The following ASCC1 variants were observed in gnomAD, a reference collection of about 807,000 sequenced individuals.
The protein encoded by ASCC1 is activating signal cointegrator 1 complex subunit 1.
In ASCC1, 35 loss-of-function variants were observed where a neutral mutation model predicts 46.6. That is an observed-to-expected ratio of 0.75 (90% CI 0.57 to 0.99). ASCC1 has a LOEUF of 0.99. ASCC1 is among the 50% of genes least tolerant of loss of function. The probability of loss-of-function intolerance (pLI) is 0.00; values close to 1 mark genes in which losing one functional copy is unlikely to be tolerated. For missense variants in ASCC1, 376 were observed against 428.7 expected (o/e 0.88, Z 1.09); for synonymous variants, 143 against 146.6 (o/e 0.98, Z 0.18).
intron 5 of ASCC1, among the ~76,000 whole-genome samples, chr10:72,192,327 T>C (rs1300182312): frequency 1.3e-5 from 2 of 151,834 alleles, no homozygotes; most frequent in Non-Finnish European, 2.9e-5. Context: ...TGGTGATGCA[T>C]GCCTGTAATC....
chr10:72,168,152 T>C (rs1205088677), intron 5 of ASCC1, among the ~76,000 whole-genome samples: 2 of 152,000 alleles, frequency 1.3e-5, no homozygotes, highest in South Asian at 2.1e-4. Flanking sequence ...GATCGTGCCA[T>C]TGCACTCCAG....
chr10:72,107,392 A>C (rs1842457881), intron 9 of ASCC1, among the ~76,000 whole-genome samples: 1 of 152,064 alleles, frequency 6.6e-6, no homozygotes, highest in Non-Finnish European at 1.5e-5. Flanking sequence ...GTTTCTGCCA[A>C]ATACCGTGCA....
chr10:72,117,983 A>G (rs1488001447), intron 9 of ASCC1, among the ~76,000 whole-genome samples: 1 of 152,250 alleles, frequency 6.6e-6, no homozygotes, highest in East Asian at 1.9e-4. Flanking sequence ...TAATAGTGCA[A>G]TGGGACATTT....
chr10:72,098,282 A>G (rs1841324598), intron 9 of ASCC1, among the ~76,000 whole-genome samples: 3 of 152,250 alleles, frequency 2.0e-5, no homozygotes, highest in Non-Finnish European at 2.9e-5. Context: ...AAGGAGCGTC[A>G]AAGAGTAAAG....
Position 72,139,371 on chromosome 10 carries a change from T to C in ASCC1, c.747-6190A>G, listed in dbSNP as rs1163718301. On this transcript the variant is annotated intron_variant, in intron 7 of 9. Transcript: ENST00000672957. ...CCTCGTGATCCACCCAACCTTGGCCTCCCAAAGTGCTGGGATTACAGGTGT... is the reference window on the plus strand; with the variant it reads ...CCTCGTGATCCACCCAACCTTGGCCCCCCAAAGTGCTGGGATTACAGGTGT... Among the ~76,000 whole-genome samples, 3 of 152,136 alleles carry C rather than the reference T, an allele frequency of 2.0e-5. No individual in the cohort carries two copies. The East Asian group carries it at 5.8e-4, about 29-fold the overall frequency.
chr10:72,215,213 A>T (rs1858968775), intron 1 of ASCC1, among the ~76,000 whole-genome samples: 1 of 152,200 alleles, frequency 6.6e-6, no homozygotes, highest in South Asian at 2.1e-4. Context: ...AGCCAGGCCA[A>T]CATGATGAAA....
Position 72,203,533 on chromosome 10 carries a change from TA to T in ASCC1, c.213-10del. 6.4e-7 allele frequency: 1 copy of T among 1,558,132 alleles called. No homozygotes were observed. Among genetic ancestry groups the T allele is most frequent in the Non-Finnish European group, 8.8e-7 (1 of 1,130,478 alleles). On this transcript the variant is annotated splice_polypyrimidine_tract_variant and intron_variant, in intron 3 of 9. Transcript: ENST00000672957. ...TCTTTCCAACTATATGCCTGTAACA[TA>T]AAGTAATTAAAAGAAGATTAAGTCA...
chr10:72,097,531 C>A (rs968359721), intron 9 of ASCC1, 81 bp from the exon 10 acceptor site: 16 of 828,268 alleles, frequency 1.9e-5, no homozygotes, highest in Non-Finnish European at 3.2e-5. Flanking sequence ...CTTGTAAAAA[C>A]ACCAAACCAC....
intron 4 of ASCC1, among the ~76,000 whole-genome samples, chr10:72,199,366 C>T (rs1183427502): frequency 6.8e-6 from 1 of 147,358 alleles, no homozygotes; most frequent in East Asian, 2.0e-4. Context: ...GGCACGATCT[C>T]GGCTCACTGC....
chr10:72,130,405 C>T (rs866280816), intron 8 of ASCC1, among the ~76,000 whole-genome samples: 7 of 152,018 alleles, frequency 4.6e-5, no homozygotes, highest in African/African-American at 1.7e-4. Flanking sequence ...CTCAATAAAG[C>T]AATTATATTT....
chr10:72,167,882 C>T (rs1850566826), intron 5 of ASCC1, among the ~76,000 whole-genome samples: 1 of 152,082 alleles, frequency 6.6e-6, no homozygotes, highest in Admixed American at 6.6e-5. Flanking sequence ...AAGCAGGCCT[C>T]CCACCTGAAG....
At chr10:72,128,839 G>GA (rs1057389061) in intron 8 of ASCC1, among the ~76,000 whole-genome samples, 6 of 151,634 alleles carry the variant, frequency 4.0e-5, no homozygotes, top group Admixed American at 2.0e-4. Flanking sequence ...AAACAGGAAA[G>GA]AAAAAAAATG....
intron 9 of ASCC1, among the ~76,000 whole-genome samples, chr10:72,118,256 A>G (rs1216603513): frequency 6.6e-6 from 1 of 151,774 alleles, no homozygotes; most frequent in East Asian, 1.9e-4. Flanking sequence ...AGTCCCAGCT[A>G]CTTGGGAGGC....
intron 9 of ASCC1, among the ~76,000 whole-genome samples, chr10:72,100,512 C>G (rs1010286214): frequency 1.5e-4 from 23 of 151,764 alleles, no homozygotes; most frequent in African/African-American, 5.6e-4. Flanking sequence ...CAGGCATGAG[C>G]CACCATGCCC....
At chr10:72,110,702 G>C (rs530420320) in intron 9 of ASCC1, among the ~76,000 whole-genome samples, 1 of 152,136 alleles carries the variant, frequency 6.6e-6, no homozygotes, top group African/African-American at 2.4e-5. Flanking sequence ...CAGGAGAATC[G>C]CTTGAACCCG....
In ASCC1 at chr10:72,216,138, G is replaced by GATGGCTCTGAGAGATTCCTCTGCGAATCT; in HGVS notation, c.-34+68_-34+69insAGATTCGCAGAGGAATCTCTCAGAGCCAT. ...TAGGGGAAAGTGCTAAAGCCGCTGA[G>GATGGCTCTGAGAGATTCCTCTGCGAATCT]GTAAGAGGCCGAGGGGTCGAGGGCC... is the stretch of plus-strand genomic sequence containing the variant. On this transcript the variant is annotated intron_variant, in intron 1 of 9. Coordinates refer to ENST00000672957, the MANE Select transcript of ASCC1 (RefSeq NM_001198800.3). 2 of 152,864 alleles carry GATGGCTCTGAGAGATTCCTCTGCGAATCT rather than the reference G, an allele frequency of 1.3e-5. 1 individual carries two copies. The allele number at this position is 152,864 out of a possible 1,614,324, so 9.5% of individuals were successfully genotyped here.
chr10:72,213,993 G>A (rs1037637319), intron 1 of ASCC1, among the ~76,000 whole-genome samples: 4 of 151,792 alleles, frequency 2.6e-5, no homozygotes, highest in African/African-American at 7.3e-5. Flanking sequence ...AGCTAAGATC[G>A]CGCCACTGCA....
intron 3 of ASCC1, among the ~76,000 whole-genome samples, chr10:72,206,831 C>T (rs1351972789): frequency 2.0e-5 from 3 of 152,070 alleles, no homozygotes; most frequent in Non-Finnish European, 2.9e-5. Flanking sequence ...CTGCTAGGGG[C>T]AGGGTGCTAA....
intron 9 of ASCC1, among the ~76,000 whole-genome samples, chr10:72,105,144 G>C (rs1842201267): frequency 6.6e-6 from 1 of 152,190 alleles, no homozygotes; most frequent in Non-Finnish European, 1.5e-5. Flanking sequence ...ATTGGGTGCG[G>C]GTACCCAGAA....
Sources: allele counts gnomAD v4.1 joint callset (sites outside exome capture counted in the v4.1 genomes callset), GRCh38; gene constraint gnomAD v4.1.1; transcripts MANE v1.5; gene names NCBI Gene and HGNC (gene_info 2026-07-23, HGNC 2026-07-21).